KISS1R: variants seen among roughly 807,000 people sequenced by gnomAD.
The protein encoded by KISS1R is KISS1 receptor.
Under a neutral mutation model 22.0 loss-of-function variants are expected in KISS1R, and 19 were observed. The ratio of observed to expected loss-of-function variants is 0.86; its 90% CI spans 0.60 to 1.26. The LOEUF is 1.26. Ranked by LOEUF, KISS1R falls within the 50% of genes most tolerant of loss-of-function variation. KISS1R has a pLI of 0.00. For missense variants in KISS1R, 653 were observed against 581.9 expected (o/e 1.12, Z -1.26); for synonymous variants, 302 against 283.9 (o/e 1.06, Z -0.64).
chr19:920,592 C>T lies in KISS1R; in HGVS notation c.1041C>T (p.Arg347=), dbSNP rs772050908. The change falls in exon 5 of 5, where the codon CGC becomes CGT. Residue 347 remains arginine, a synonymous_variant. Transcript: ENST00000234371. ...VCPCAPRRPR[R]PRRPGPSDPA... The stretch of plus-strand genomic sequence containing the variant: ...CCTGCGCGCCGCGCCGCCCCCGCCG[C>T]CCCCGCCGGCCCGGACCCTCGGACC... 3 of 1,458,166 alleles carry T rather than the reference C, an allele frequency of 2.1e-6. No homozygotes were observed. Among genetic ancestry groups the T allele is most frequent in the Non-Finnish European group, 2.7e-6 (3 of 1,110,822 alleles). 90.3% of individuals were successfully genotyped at this position (1,458,166 alleles called of 1,614,324 possible).
Position 917,715 on chromosome 19 carries a change from G to A in KISS1R, c.213G>A (p.Lys71=). 1.2e-6 allele frequency: 2 copies of A among 1,606,828 alleles called. No individual in the cohort carries two copies. Among genetic ancestry groups the A allele is most frequent in the Non-Finnish European group, 1.7e-6 (2 of 1,177,188 alleles). Residue 71 remains lysine, a synonymous_variant, in exon 1 of 5, where the codon AAG becomes AAA. Transcript: ENST00000234371. ...TCATCTACGTCATCTGCCGCCACAA[G>A]CCGATGCGGACCGTGACCAACTTCT... The part of the protein sequence containing the change: ...SLVIYVICRH[K]PMRTVTNFYI...
At chr19:920,235 T>A in intron 4 of KISS1R, 55 bp from the exon 5 acceptor site, 1 of 1,537,564 alleles carries the variant, frequency 6.5e-7, no homozygotes, top group Non-Finnish European at 8.7e-7. Flanking sequence ...TGCGAGGGGA[T>A]GAGCTGAGCC....
At position 917,612 on chromosome 19, in the gene KISS1R, C is replaced by T. The variant is rs2037067672; in HGVS notation, c.110C>T (p.Pro37Leu). 1.3e-6 allele frequency: 2 copies of T among 1,568,914 alleles called. No homozygotes were observed. Among genetic ancestry groups the T allele is most frequent in the Non-Finnish European group, 1.7e-6 (2 of 1,159,820 alleles). ...ANASDGPVPS[P>L]RAVDAWLVPL... is the part of the protein sequence containing the mutation. ...GCCTCGGACGGCCCAGTCCCTTCGC[C>T]GCGGGCCGTGGACGCCTGGCTCGTG... The change falls in exon 1 of 5, where the codon CCG becomes CTG. Residue 37 changes from proline (P) to leucine (L), a missense_variant. By Grantham distance (98) the Pro-to-Leu change is moderately conservative. Coordinates refer to ENST00000234371, the MANE Select transcript of KISS1R (RefSeq NM_032551.5).
Position 920,540 on chromosome 19 carries a change from T to A in KISS1R, c.989T>A (p.Phe330Tyr). 6.3e-7 allele frequency: 1 copy of A among 1,593,502 alleles called. No individual in the cohort carries two copies. Among genetic ancestry groups the A allele is most frequent in the South Asian group, 1.1e-5 (1 of 88,616 alleles). The change falls in exon 5 of 5, where the codon TTC becomes TAC. Residue 330 changes from phenylalanine to tyrosine, a missense_variant. Coordinates refer to ENST00000234371, the MANE Select transcript of KISS1R (RefSeq NM_032551.5). ...CTCTACGCCTTCCTGGGCTCGCACT[T>A]CCGACAGGCCTTCCGCCGCGTCTGC... is the stretch of plus-strand genomic sequence containing the variant. ...PLLYAFLGSH[F>Y]RQAFRRVCPC...
chr19:919,724 G>T, intron 3 of KISS1R, 99 bp downstream of exon 3: 2 of 1,518,320 alleles, frequency 1.3e-6, no homozygotes, highest in Non-Finnish European at 1.8e-6. Flanking sequence ...TCTGGAAAAT[G>T]GGCGCAATAG....
chr19:920,082 C>A lies in KISS1R; in HGVS notation c.714C>A (p.Pro238=). The A allele has an allele frequency of 2.0e-6, 3 of 1,492,450 alleles. No individual in the cohort carries two copies. The highest frequency in any genetic ancestry group is 2.7e-6 in the Non-Finnish European group (3 of 1,127,688). The allele number at this position is 1,492,450 out of a possible 1,614,324, so 92.5% of individuals were successfully genotyped here. The change falls in exon 4 of 5, where the codon CCC becomes CCA. Residue 238 remains proline, a synonymous_variant. Transcript: ENST00000234371. ...ACCTGGGCCGGGTCGCCGTGCGCCC[C>A]GCGCCCGCCGATAGCGCCCTGCAGG... ...LRHLGRVAVR[P]APADSALQGQ...
Position 920,845 on chromosome 19 carries a change from A to G in KISS1R, c.*97A>G, listed in dbSNP as rs956962547. 40 of 1,214,946 alleles carry G rather than the reference A, an allele frequency of 3.3e-5. No homozygotes were observed. In the Middle Eastern group the frequency reaches 7.9e-4, roughly 24 times the overall value. The allele number at this position is 1,214,946 out of a possible 1,614,324, so 75.3% of individuals were successfully genotyped here. A position where few individuals can be genotyped will look rare whatever the true frequency, so the allele number is the denominator to read the frequency against. On this transcript the variant is annotated 3_prime_UTR_variant, in exon 5 of 5. Transcript: ENST00000234371. ...ATTAGTATTTTTCTTACTGTCCAAG[A>G]TCAACTGTGGAAATATTTTGGTCTC...
rs758007675 is a variant in KISS1R at position 917,710 on chromosome 19, C to T, written c.208C>T (p.His70Tyr). 1 of 1,603,194 alleles carries T rather than the reference C, an allele frequency of 6.2e-7. No individual in the cohort carries two copies. Among genetic ancestry groups the T allele is most frequent in the Non-Finnish European group, 8.5e-7 (1 of 1,175,850 alleles). Residue 70 changes from histidine (H) to tyrosine (Y), a missense_variant, in exon 1 of 5, where the codon CAC (histidine) becomes TAC (tyrosine). By Grantham distance (83) the His-to-Tyr change is moderately conservative. Coordinates refer to ENST00000234371, the MANE Select transcript of KISS1R (RefSeq NM_032551.5). ...GCTGGTCATCTACGTCATCTGCCGC[C>T]ACAAGCCGATGCGGACCGTGACCAA... ...NSLVIYVICR[H>Y]KPMRTVTNFY... is the part of the protein sequence containing the mutation.
Position 919,601 on chromosome 19 carries a change from G to A in KISS1R, c.481G>A (p.Ala161Thr), listed in dbSNP as rs865904252. 6.4e-7 allele frequency: 1 copy of A among 1,552,278 alleles called. No individual in the cohort carries two copies. Residue 161 changes from alanine (A) to threonine (T), a missense_variant, in exon 3 of 5, where the codon GCT becomes ACT. Transcript: ENST00000234371. Reference sequence around the variant, plus strand: ...CCGCCGCACGCCCCGCCTGGCGCTGGCTGTCAGCCTCAGCATCTGGGTAGG... The same window carrying A: ...CCGCCGCACGCCCCGCCTGGCGCTGACTGTCAGCCTCAGCATCTGGGTAGG... ...LHRRTPRLAL[A>T]VSLSIWVGSA...
At chr19:920,146 C>A in intron 4 of KISS1R, 40 bp downstream of exon 4, 1 of 1,466,822 alleles carries the variant, frequency 6.8e-7, no homozygotes, top group Non-Finnish European at 9.0e-7. Flanking sequence ...GCTGGGCGGG[C>A]GGGGAGGCAC....
At position 917,579 on chromosome 19, in the gene KISS1R, G is replaced by A; in HGVS notation, c.77G>A (p.Gly26Asp). ...AACGCCTCCGGCTGCCCGGGCTGTG[G>A]CGCCAACGCCTCGGACGGCCCAGTC... ...PANASGCPGC[G>D]ANASDGPVPS... The change falls in exon 1 of 5, where the codon GGC becomes GAC. Residue 26 changes from glycine to aspartate, a missense_variant. Coordinates refer to ENST00000234371, the MANE Select transcript of KISS1R (RefSeq NM_032551.5). 1 of 1,537,216 alleles carries A rather than the reference G, an allele frequency of 6.5e-7. No homozygotes were observed. Among genetic ancestry groups the A allele is most frequent in the Admixed American group, 2.0e-5 (1 of 50,878 alleles).
chr19:919,795 T>G, intron 3 of KISS1R, 79 bp from the exon 4 acceptor site: 1 of 1,496,892 alleles, frequency 6.7e-7, no homozygotes, highest in Non-Finnish European at 9.0e-7. Context: ...GCAGGGTGGC[T>G]GGGTGAACGC....
Position 918,527 on chromosome 19 carries a change from G to A in KISS1R, c.245-17G>A, listed in dbSNP as rs1475249132. The A allele has an allele frequency of 3.2e-6, 5 of 1,544,396 alleles. No individual in the cohort carries two copies. The highest frequency in any genetic ancestry group is 2.0e-5 in the Admixed American group (1 of 50,952). ...CCAGTGGCGCCCACGCCCAGCGCCC[G>A]CGCATCCCCACCGCAGCCAACCTGG... On this transcript the variant is annotated splice_polypyrimidine_tract_variant and intron_variant, in intron 1 of 4. Transcript: ENST00000234371.
rs1262959185 is a variant in KISS1R at position 920,779 on chromosome 19, TCGGGAG to T, written c.*36_*41del. On this transcript the variant is annotated 3_prime_UTR_variant, in exon 5 of 5. Coordinates refer to ENST00000234371, the MANE Select transcript of KISS1R (RefSeq NM_032551.5). Reference sequence around the variant, plus strand: ...CCCGGTGGGAATCCGAGCGGCTCCCTCGGGAGCGGGGACTGCTGGAACAGCGGCTAT... The same window carrying T: ...CCCGGTGGGAATCCGAGCGGCTCCCTCGGGGACTGCTGGAACAGCGGCTAT... The T allele has an allele frequency of 3.2e-6, 4 of 1,256,266 alleles. No individual in the cohort carries two copies. The African/African-American group carries it at 6.1e-5, about 19-fold the overall frequency. The allele number at this position is 1,256,266 out of a possible 1,614,324, so 77.8% of individuals were successfully genotyped here. A position where few individuals can be genotyped will look rare whatever the true frequency, so the allele number is the denominator to read the frequency against.
rs2037095287 is a variant in KISS1R at position 919,569 on chromosome 19, C to T, written c.449C>T (p.Ala150Val). ...RWYVTVFPLR[A>V]LHRRTPRLAL... is the part of the protein sequence containing the mutation. ...TACGTGACGGTGTTCCCGTTGCGCG[C>T]CCTGCACCGCCGCACGCCCCGCCTG... The change falls in exon 3 of 5, where the codon GCC becomes GTC. Residue 150 changes from alanine to valine, a missense_variant. Ala to Val is a moderately conservative substitution (Grantham distance 64). Coordinates refer to ENST00000234371, the MANE Select transcript of KISS1R (RefSeq NM_032551.5). The T allele has an allele frequency of 3.2e-6, 5 of 1,556,326 alleles. No homozygotes were observed. Among genetic ancestry groups the T allele is most frequent in the African/African-American group, 2.7e-5 (2 of 73,756 alleles).
intron 3 of KISS1R, 50 bp downstream of exon 3, chr19:919,675 C>T (rs1476645932): frequency 6.5e-7 from 1 of 1,537,780 alleles, no homozygotes; most frequent in Admixed American, 2.0e-5. Context: ...CGTCCTAGTG[C>T]CCTGGGCGCC....
chr19:917,484 GGAGGAGGT>G lies in KISS1R; in HGVS notation c.-17_-10del. On this transcript the variant is annotated 5_prime_UTR_variant, in exon 1 of 5. Coordinates refer to ENST00000234371, the MANE Select transcript of KISS1R (RefSeq NM_032551.5). Reference sequence around the variant, plus strand: ...GCGCAATCCTGGAGGGCGGCCGGGAGGAGGAGGTGCGCGCGGCCATGCACACCGTGGCT... The same window carrying G: ...GCGCAATCCTGGAGGGCGGCCGGGAGGCGCGCGGCCATGCACACCGTGGCT... 6.9e-7 allele frequency: 1 copy of G among 1,448,222 alleles called. No homozygotes were observed. The highest frequency in any genetic ancestry group is 9.0e-7 in the Non-Finnish European group (1 of 1,105,608). 89.7% of individuals were successfully genotyped at this position (1,448,222 alleles called of 1,614,324 possible).
chr19:920,040 T>C lies in KISS1R; in HGVS notation c.672T>C (p.Tyr224=). Residue 224 remains tyrosine, a synonymous_variant, in exon 4 of 5, where the codon TAT becomes TAC. Transcript: ENST00000234371. ...CGCTGCTCGCCACCTGCGCCTGCTA[T>C]GCGGCCATGCTGCGCCACCTGGGCC... ...LLPLLATCAC[Y]AAMLRHLGRV... The C allele has an allele frequency of 1.3e-6, 2 of 1,537,668 alleles. No homozygotes were observed. The highest frequency in any genetic ancestry group is 1.7e-6 in the Non-Finnish European group (2 of 1,145,964).
intron 1 of KISS1R, 94 bp downstream of exon 1, chr19:917,840 C>A (rs2037071276): frequency 7.1e-7 from 1 of 1,415,680 alleles, no homozygotes; most frequent in Non-Finnish European, 9.4e-7. Flanking sequence ...TCGGGGCCCT[C>A]TCGGACCCGG....
Sources: gnomAD v4.1 joint callset for allele counts on GRCh38, gnomAD v4.1.1 for gene constraint, MANE v1.5 for transcripts, NCBI Gene and HGNC (gene_info 2026-07-23, HGNC 2026-07-21) for gene names.